The following MEPCE variants were observed in gnomAD, a reference collection of about 807,000 sequenced individuals.
The protein encoded by MEPCE is methylphosphate capping enzyme, also known as 7SK snRNA methylphosphate capping enzyme.
A neutral mutation model predicts 52.3 loss-of-function variants in MEPCE; 9 were observed. The observed-to-expected ratio is 0.17, with a 90% CI of 0.10 to 0.30. MEPCE has a LOEUF of 0.30. Among genes scored for constraint, MEPCE ranks in the 10% least tolerant of loss-of-function variants. The probability of loss-of-function intolerance (pLI) is 1.00; values close to 1 mark genes in which losing one functional copy is unlikely to be tolerated. For synonymous variants in MEPCE, 477 were observed against 401.6 expected (o/e 1.19, Z -2.25); for missense variants, 826 against 933.0 (o/e 0.89, Z 1.49).
At position 100,430,198 on chromosome 7, in the gene MEPCE, C is replaced by T; in HGVS notation, c.180C>T (p.Ser60=). 1 of 1,311,086 alleles carries T rather than the reference C, an allele frequency of 7.6e-7. No individual in the cohort carries two copies. The highest frequency in any genetic ancestry group is 9.7e-7 in the Non-Finnish European group (1 of 1,033,366). 81.2% of individuals were successfully genotyped at this position (1,311,086 alleles called of 1,614,324 possible). A position where few individuals can be genotyped will look rare whatever the true frequency, so the allele number is the denominator to read the frequency against. Residue 60 remains serine, a synonymous_variant, in exon 1 of 4, where the codon TCC becomes TCT. Transcript: ENST00000310512. ...GPGRCAPSAG[S]PAAAVGRESP... Reference sequence around the variant, plus strand: ...GTCGTTGCGCGCCATCTGCGGGGTCCCCAGCCGCTGCGGTCGGTCGGGAAA... The same window carrying T: ...GTCGTTGCGCGCCATCTGCGGGGTCTCCAGCCGCTGCGGTCGGTCGGGAAA...
In MEPCE at chr7:100,431,452, G is replaced by A; in HGVS notation, c.1434G>A (p.Arg478=). The A allele has an allele frequency of 6.2e-7, 1 of 1,613,894 alleles. No individual in the cohort carries two copies. The highest frequency in any genetic ancestry group is 8.5e-7 in the Non-Finnish European group (1 of 1,180,032). ...SRMVGLDIDS[R]LIHSARQNIR... ...TGGTGGGCCTGGATATCGATTCCCG[G>A]CTCATCCATTCTGCCCGCCAAAACA... Residue 478 remains arginine, a synonymous_variant, in exon 1 of 4, where the codon CGG becomes CGA. Transcript: ENST00000310512.
In MEPCE at chr7:100,430,311, C is replaced by T. The variant is rs991419905; in HGVS notation, c.293C>T (p.Ala98Val). The change falls in exon 1 of 4, where the codon GCC becomes GTC. Residue 98 changes from alanine to valine, a missense_variant. Coordinates refer to ENST00000310512, the MANE Select transcript of MEPCE (RefSeq NM_019606.6). ...GGPQAQSHGE[A>V]RLSDPPGRAA... ...CCCCAGGCGCAGTCGCATGGGGAGG[C>T]CCGCCTGTCGGATCCCCCGGGGCGA... is the stretch of plus-strand genomic sequence containing the variant. 3 of 1,418,850 alleles carry T rather than the reference C, an allele frequency of 2.1e-6. No individual in the cohort carries two copies. Among genetic ancestry groups the T allele is most frequent in the Admixed American group, 3.0e-5 (1 of 33,626 alleles). 87.9% of individuals were successfully genotyped at this position (1,418,850 alleles called of 1,614,324 possible). A position where few individuals can be genotyped will look rare whatever the true frequency, so the allele number is the denominator to read the frequency against.
chr7:100,433,652 C>A lies in MEPCE; in HGVS notation c.*98C>A. On this transcript the variant is annotated 3_prime_UTR_variant, in exon 4 of 4. Coordinates refer to ENST00000310512, the MANE Select transcript of MEPCE (RefSeq NM_019606.6). ...TCCCAAGGTCTTTCCTTTCTGACTC[C>A]AAAAATAGTTTCCTTTCTTGGATCT... is the stretch of plus-strand genomic sequence containing the variant. 2 of 1,234,746 alleles carry A rather than the reference C, an allele frequency of 1.6e-6. No homozygotes were observed. The highest frequency in any genetic ancestry group is 2.4e-5 in the East Asian group (1 of 41,668). The allele number at this position is 1,234,746 out of a possible 1,614,324, so 76.5% of individuals were successfully genotyped here. A position where few individuals can be genotyped will look rare whatever the true frequency, so the allele number is the denominator to read the frequency against.
In MEPCE at chr7:100,431,387, C is replaced by T. The variant is rs146851898; in HGVS notation, c.1369C>T (p.Leu457=). ...VLDLGCNVGH[L]TLSIACKWGP... The stretch of plus-strand genomic sequence containing the variant: ...AGATCTGGGCTGCAATGTGGGCCAT[C>T]TGACCCTGAGCATTGCCTGCAAGTG... The change falls in exon 1 of 4, where the codon CTG becomes TTG. Residue 457 remains leucine, a synonymous_variant. Coordinates refer to ENST00000310512, the MANE Select transcript of MEPCE (RefSeq NM_019606.6). 78 of 1,614,066 alleles carry T rather than the reference C, an allele frequency of 4.8e-5. 1 individual carries two copies. Among genetic ancestry groups the T allele is most frequent in the Non-Finnish European group, 6.1e-5 (72 of 1,180,054 alleles).
In MEPCE at chr7:100,429,957, A is replaced by G. The variant is rs879941591; in HGVS notation, c.-62A>G. 4 of 1,147,212 alleles carry G rather than the reference A, an allele frequency of 3.5e-6. No individual in the cohort carries two copies. In the African/African-American group the frequency reaches 4.8e-5, roughly 14 times the overall value. 71.1% of individuals were successfully genotyped at this position (1,147,212 alleles called of 1,614,324 possible). On this transcript the variant is annotated 5_prime_UTR_variant, in exon 1 of 4. Coordinates refer to ENST00000310512, the MANE Select transcript of MEPCE (RefSeq NM_019606.6). ...GGGGGGAAGGGAGCAGGGTCCAGGC[A>G]GGGGGGGTTAGGCCCCCTGATCCCC...
rs1387180561 is a variant in MEPCE, at chr7:100,429,908, A to T, written c.-111A>T. The T allele has an allele frequency of 9.1e-6, 8 of 874,780 alleles. No individual in the cohort carries two copies. The highest frequency in any genetic ancestry group is 3.7e-4 in the Middle Eastern group (1 of 2,674). 54.2% of individuals were successfully genotyped at this position (874,780 alleles called of 1,614,324 possible). ...GGGCGCGAGACTAGGCGTGAAGAGC[A>T]GAGCTGCGCGCGCACTCGGGAAAGG... On this transcript the variant is annotated 5_prime_UTR_variant, in exon 1 of 4. Coordinates refer to ENST00000310512, the MANE Select transcript of MEPCE (RefSeq NM_019606.6).
At position 100,433,154 on chromosome 7, in the gene MEPCE, G is replaced by C. The variant is rs774408647; in HGVS notation, c.1890+17G>C. On this transcript the variant is annotated intron_variant, in intron 2 of 3. Transcript: ENST00000310512. Reference sequence around the variant, plus strand: ...ACTCTTACAGTGAGTTGGGTGTTGGGGGAATAGTCATTCCTTTGGTTGAGG... The same window carrying C: ...ACTCTTACAGTGAGTTGGGTGTTGGCGGAATAGTCATTCCTTTGGTTGAGG... 6.2e-7 allele frequency: 1 copy of C among 1,613,666 alleles called. No individual in the cohort carries two copies. Among genetic ancestry groups the C allele is most frequent in the Non-Finnish European group, 8.5e-7 (1 of 1,179,784 alleles).
At chr7:100,433,209 C>T (rs41280974) in intron 2 of MEPCE, 54 bp from the exon 3 acceptor site, 25,400 of 1,613,712 alleles carry the variant, frequency 0.016, 275 homozygotes, top group South Asian at 0.019. Context: ...GGGCATCGCC[C>T]TTGGCCAGGG....
rs377527642 is a variant in MEPCE, at chr7:100,430,672, C to G, written c.654C>G (p.Pro218=). 49 of 1,613,860 alleles carry G rather than the reference C, an allele frequency of 3.0e-5. No individual in the cohort carries two copies. The highest frequency in any genetic ancestry group is 3.7e-5 in the Non-Finnish European group (44 of 1,180,022). Residue 218 remains proline (P), a synonymous_variant, in exon 1 of 4, where the codon CCC becomes CCG. Transcript: ENST00000310512. ...ACGCGGAGACCCCTAAGTCATCCCCCCTTCCGGCCAAAGGGCGAGATCCGG... is the reference window on the plus strand; with the variant it reads ...ACGCGGAGACCCCTAAGTCATCCCCGCTTCCGGCCAAAGGGCGAGATCCGG... ...TLNAETPKSS[P]LPAKGRDPVE... is the part of the protein sequence containing the mutation.
At position 100,430,485 on chromosome 7, in the gene MEPCE, G is replaced by A. The variant is rs1338043851; in HGVS notation, c.467G>A (p.Gly156Glu). The A allele has an allele frequency of 6.4e-7, 1 of 1,571,644 alleles. No homozygotes were observed. Among genetic ancestry groups the A allele is most frequent in the Non-Finnish European group, 8.6e-7 (1 of 1,160,958 alleles). ...AAGAGGAGAAATAGCTGTAATGTAG[G>A]GGGAGGCGGGGGAGGCTTCAAACAT... ...GGKRRNSCNV[G>E]GGGGGFKHPA... Residue 156 changes from glycine to glutamate, a missense_variant, in exon 1 of 4, where the codon GGG (glycine) becomes GAG (glutamate). Coordinates refer to ENST00000310512, the MANE Select transcript of MEPCE (RefSeq NM_019606.6).
upstream of MEPCE, chr7:100,429,663 T>G: frequency 1.8e-5 from 4 of 218,494 alleles, no homozygotes; most frequent in East Asian, 1.8e-4. Flanking sequence ...AGTTGGTTCG[T>G]AGTCTGATGC....
chr7:100,430,365 G>T lies in MEPCE; in HGVS notation c.347G>T (p.Arg116Leu), dbSNP rs1798610137. 3.5e-6 allele frequency: 5 copies of T among 1,439,498 alleles called. No individual in the cohort carries two copies. Among genetic ancestry groups the T allele is most frequent in the African/African-American group, 1.4e-5 (1 of 69,882 alleles). 89.2% of individuals were successfully genotyped at this position (1,439,498 alleles called of 1,614,324 possible). Residue 116 changes from arginine to leucine, a missense_variant, in exon 1 of 4, where the codon CGC (arginine) becomes CTC (leucine). By Grantham distance (102) the Arg-to-Leu change is moderately radical. Around this residue, in one of 7 missense-constraint regions of MEPCE, gnomAD observed 314 missense variants for 277.7 expected, o/e 1.13. Transcript: ENST00000310512. ...GCTCCCCCGGACGTGGGGGAGGAGC[G>T]CCGGGGAGGGGGCGGGACAGAGCTG... ...RAAPPDVGEE[R>L]RGGGGTELGP...
Position 100,430,981 on chromosome 7 carries a change from C to T in MEPCE, c.963C>T (p.Ala321=), listed in dbSNP as rs377071809. 1.2e-6 allele frequency: 2 copies of T among 1,612,540 alleles called. No individual in the cohort carries two copies. ...CCCAACCCTATGAACTCAACACAGC[C>T]ATCAACTGCAGGGATGAAGTGGTGT... The part of the protein sequence containing the change: ...DAPQPYELNT[A]INCRDEVVSP... The change falls in exon 1 of 4, where the codon GCC becomes GCT. Residue 321 remains alanine (A), a synonymous_variant. Coordinates refer to ENST00000310512, the MANE Select transcript of MEPCE (RefSeq NM_019606.6).
intron 1 of MEPCE, among the ~76,000 whole-genome samples, chr7:100,432,257 G>A (rs897403340): frequency 6.6e-6 from 1 of 152,180 alleles, no homozygotes; most frequent in African/African-American, 2.4e-5. Context: ...TAGTGGGAGA[G>A]GGAAGAACCA....
In MEPCE at chr7:100,433,722, T is replaced by A. The variant is rs1798792640; in HGVS notation, c.*168T>A. ...CGTCGCTGCCTCAGCCTCCTCCCTA[T>A]GCCTCTGGCACCTGCGCAGCAAGGC... On this transcript the variant is annotated 3_prime_UTR_variant, in exon 4 of 4. Transcript: ENST00000310512. 1.5e-6 allele frequency: 1 copy of A among 680,054 alleles called. No homozygotes were observed. Among genetic ancestry groups the A allele is most frequent in the Non-Finnish European group, 2.5e-6 (1 of 403,924 alleles). 42.1% of individuals were successfully genotyped at this position (680,054 alleles called of 1,614,324 possible). A position where few individuals can be genotyped will look rare whatever the true frequency, so the allele number is the denominator to read the frequency against.
chr7:100,433,590 C>T lies in MEPCE; in HGVS notation c.*36C>T, dbSNP rs758662884. On this transcript the variant is annotated 3_prime_UTR_variant, in exon 4 of 4. Coordinates refer to ENST00000310512, the MANE Select transcript of MEPCE (RefSeq NM_019606.6). ...AAACAGAAAGTGTGAAGAGGCTGCC[C>T]TCGCTGCTCATAAGGACCTGGGGGA... is the stretch of plus-strand genomic sequence containing the variant. 5.6e-6 allele frequency: 9 copies of T among 1,601,578 alleles called. No homozygotes were observed. Among genetic ancestry groups the T allele is most frequent in the African/African-American group, 1.3e-5 (1 of 74,612 alleles).
chr7:100,430,186 A>G lies in MEPCE; in HGVS notation c.168A>G (p.Pro56=), dbSNP rs1465742989. 1.5e-6 allele frequency: 2 copies of G among 1,297,428 alleles called. No individual in the cohort carries two copies. Among genetic ancestry groups the G allele is most frequent in the East Asian group, 3.1e-5 (1 of 32,092 alleles). 80.4% of individuals were successfully genotyped at this position (1,297,428 alleles called of 1,614,324 possible). A position where few individuals can be genotyped will look rare whatever the true frequency, so the allele number is the denominator to read the frequency against. Reference sequence around the variant, plus strand: ...AGCGTGGTCCGGGTCGTTGCGCGCCATCTGCGGGGTCCCCAGCCGCTGCGG... The same window carrying G: ...AGCGTGGTCCGGGTCGTTGCGCGCCGTCTGCGGGGTCCCCAGCCGCTGCGG... ...GTERGPGRCA[P]SAGSPAAAVG... The change falls in exon 1 of 4, where the codon CCA becomes CCG. Residue 56 remains proline (P), a synonymous_variant. Transcript: ENST00000310512.
Position 100,431,410 on chromosome 7 carries a change from G to C in MEPCE, c.1392G>C (p.Lys464Asn). Residue 464 changes from lysine (K) to asparagine (N), a missense_variant, in exon 1 of 4, where the codon AAG becomes AAC. Lys to Asn is a moderately conservative substitution (Grantham distance 94). Around this residue, in one of 7 missense-constraint regions of MEPCE, gnomAD observed 107 missense variants for 157.9 expected, o/e 0.68. Transcript: ENST00000310512. ...VGHLTLSIAC[K>N]WGPSRMVGLD... ...ATCTGACCCTGAGCATTGCCTGCAA[G>C]TGGGGCCCGTCCCGCATGGTGGGCC... 1 of 1,614,154 alleles carries C rather than the reference G, an allele frequency of 6.2e-7. No homozygotes were observed. Among genetic ancestry groups the C allele is most frequent in the Middle Eastern group, 1.6e-4 (1 of 6,062 alleles).
In MEPCE at chr7:100,433,856, A is replaced by G. The variant is rs539993893; in HGVS notation, c.*302A>G. On this transcript the variant is annotated 3_prime_UTR_variant, in exon 4 of 4. Transcript: ENST00000310512. Reference sequence around the variant, plus strand: ...CTTAGGGCATGGGAGGTGGGAGGATATCAAATTCTCTAGCCCTTTCCTCCT... The same window carrying G: ...CTTAGGGCATGGGAGGTGGGAGGATGTCAAATTCTCTAGCCCTTTCCTCCT... 8 of 411,986 alleles carry G rather than the reference A, an allele frequency of 1.9e-5. No individual in the cohort carries two copies. The highest frequency in any genetic ancestry group is 1.8e-4 in the African/African-American group (8 of 45,072). 25.5% of individuals were successfully genotyped at this position (411,986 alleles called of 1,614,324 possible).
Sources: allele counts gnomAD v4.1 joint callset (sites outside exome capture counted in the v4.1 genomes callset), GRCh38; gene constraint gnomAD v4.1.1; regional missense constraint gnomAD v4.1.1; transcripts MANE v1.5; gene names NCBI Gene and HGNC (gene_info 2026-07-23, HGNC 2026-07-21).